Variants in ARFGEF1 observed in about 807,000 individuals in gnomAD.
The protein encoded by ARFGEF1 is ARF guanine nucleotide exchange factor 1.
ARFGEF1 carries 42 observed loss-of-function variants against 231.0 expected under a neutral mutation model. The ratio of observed to expected loss-of-function variants is 0.18; its 90% CI spans 0.14 to 0.24. The LOEUF is 0.24. Among genes scored for constraint, ARFGEF1 ranks in the 10% least tolerant of loss-of-function variants. ARFGEF1 has a pLI of 1.00. For missense variants in ARFGEF1, 1,345 were observed against 2,192.0 expected, an observed-to-expected ratio of 0.61 and a Z score of 7.72; for synonymous variants, 710 against 732.3, an observed-to-expected ratio of 0.97 and a Z score of 0.49.
rs574813309 is a variant in ARFGEF1, at chr8:67,310,968, G to GGGGGCCAGCTCCCC, written c.125-8503_125-8502insGGGGAGCTGGCCCC. 3.4e-5 allele frequency among the ~76,000 whole-genome samples: 5 copies of GGGGGCCAGCTCCCC among 145,466 alleles called. No individual in the cohort carries two copies. The South Asian group carries it at 1.1e-3, about 32-fold the overall frequency. On this transcript the variant is annotated intron_variant, in intron 1 of 38. Transcript: ENST00000262215. Reference sequence around the variant, plus strand: ...GCCACCCCGTCCAGGAGGGAGGTGGGGCCCGGGAGGGAGGTTGGGGGGTCA... The same window carrying GGGGGCCAGCTCCCC: ...GCCACCCCGTCCAGGAGGGAGGTGGGGGGGCCAGCTCCCCGCCCGGGAGGGAGGTTGGGGGGTCA...
chr8:67,212,415 G>C (rs1345556047), intron 33 of ARFGEF1, among the ~76,000 whole-genome samples: 1 of 152,128 alleles, frequency 6.6e-6, no homozygotes, highest in African/African-American at 2.4e-5. Flanking sequence ...GTGTAACCTT[G>C]GAAAAATGAT....
chr8:67,338,018 T>C (rs1587351641), intron 1 of ARFGEF1, among the ~76,000 whole-genome samples: 1 of 152,234 alleles, frequency 6.6e-6, no homozygotes, highest in South Asian at 2.1e-4. Context: ...CTTCCTCCAT[T>C]ATGTGAGGAA....
At chr8:67,319,789 T>C (rs1021970719) in intron 1 of ARFGEF1, among the ~76,000 whole-genome samples, 7 of 152,178 alleles carry the variant, frequency 4.6e-5, no homozygotes, top group African/African-American at 1.7e-4. Context: ...AAATTGTTTA[T>C]CTGGCAAAGA....
Position 67,216,674 on chromosome 8 carries a change from CA to C in ARFGEF1, c.4614-13del. On this transcript the variant is annotated splice_polypyrimidine_tract_variant and intron_variant, in intron 32 of 38. Coordinates refer to ENST00000262215, the MANE Select transcript of ARFGEF1 (RefSeq NM_006421.5). ...GCCAGGTCAACAGCCTTTAAGATAC[CA>C]AAACCACGTCAATCACTAGGGGGCT... 2 of 1,594,712 alleles carry C rather than the reference CA, an allele frequency of 1.3e-6. No homozygotes were observed. Among genetic ancestry groups the C allele is most frequent in the South Asian group, 1.1e-5 (1 of 87,434 alleles).
chr8:67,299,335 G>A lies in ARFGEF1; in HGVS notation c.333C>T (p.His111=). 1 of 1,605,370 alleles carries A rather than the reference G, an allele frequency of 6.2e-7. No homozygotes were observed. The highest frequency in any genetic ancestry group is 8.5e-7 in the Non-Finnish European group (1 of 1,177,926). The change falls in exon 4 of 39, where the codon CAC becomes CAT. Residue 111 remains histidine, a synonymous_variant. Transcript: ENST00000262215. ...DCLQKLIAYG[H]LTGNAPDSTT... ...TACTATCTGGAGCATTGCCAGTCAAGTGCCCATAAGCAATAAGTTTCTAAA... is the reference window on the plus strand; with the variant it reads ...TACTATCTGGAGCATTGCCAGTCAAATGCCCATAAGCAATAAGTTTCTAAA...
At chr8:67,225,405 G>T (rs567355236) in intron 28 of ARFGEF1, among the ~76,000 whole-genome samples, 1 of 152,218 alleles carries the variant, frequency 6.6e-6, no homozygotes, top group Non-Finnish European at 1.5e-5. Context: ...ATGAGTTGAC[G>T]TATCTAAAAA....
At chr8:67,200,655 G>C in intron 37 of ARFGEF1, 142 bp from the exon 38 acceptor site, 3 of 613,586 alleles carry the variant, frequency 4.9e-6, no homozygotes, top group Middle Eastern at 2.7e-4. Flanking sequence ...ATTAGCTGGA[G>C]TGTCAACATA....
At chr8:67,250,509 AG>A (rs1840248006) in intron 19 of ARFGEF1, among the ~76,000 whole-genome samples, 1 of 152,226 alleles carries the variant, frequency 6.6e-6, no homozygotes, top group Admixed American at 6.5e-5. Context: ...CTTGAAGAAG[AG>A]GTAGGAGTAA....
chr8:67,194,791 A>C (rs1207154472), downstream of ARFGEF1, among the ~76,000 whole-genome samples: 1 of 152,174 alleles, frequency 6.6e-6, no homozygotes, highest in East Asian at 1.9e-4. Flanking sequence ...AGTTGCGTAC[A>C]ATCAATCAGA....
At chr8:67,242,955 G>C (rs1170983273) in intron 19 of ARFGEF1, among the ~76,000 whole-genome samples, 2 of 152,174 alleles carry the variant, frequency 1.3e-5, no homozygotes, top group Admixed American at 6.5e-5. Flanking sequence ...AGGGAAGAGT[G>C]GGAAGCACTG....
At chr8:67,298,277 A>C (rs1017256397) in intron 4 of ARFGEF1, among the ~76,000 whole-genome samples, 1 of 152,218 alleles carries the variant, frequency 6.6e-6, no homozygotes, top group Non-Finnish European at 1.5e-5. Context: ...TTTTACTGCT[A>C]TAAAAATATA....
At chr8:67,333,361 ACT>A (rs1808194419) in intron 1 of ARFGEF1, among the ~76,000 whole-genome samples, 1 of 143,754 alleles carries the variant, frequency 7.0e-6, no homozygotes, top group African/African-American at 2.6e-5. Context: ...ACAGGGTTTC[ACT>A]CTGTCACCCA....
intron 1 of ARFGEF1, among the ~76,000 whole-genome samples, chr8:67,306,053 G>GT (rs1229591277): frequency 6.6e-6 from 1 of 152,202 alleles, no homozygotes. Context: ...GCATATGATT[G>GT]TTTTTTCTTA....
At chr8:67,238,216 C>CT in intron 22 of ARFGEF1, 127 bp downstream of exon 22, 2 of 1,001,684 alleles carry the variant, frequency 2.0e-6, no homozygotes, top group Non-Finnish European at 2.8e-6. Flanking sequence ...AGTCATCTTG[C>CT]TTTTTCTCAT....
chr8:67,267,132 G>T lies in ARFGEF1; in HGVS notation c.1771C>A (p.Gln591Lys). The change falls in exon 12 of 39, where the codon CAA becomes AAA. Residue 591 changes from glutamine (Q) to lysine (K), a missense_variant. Around this residue, in one of 14 missense-constraint regions of ARFGEF1, gnomAD observed 141 missense variants for 259.9 expected, o/e 0.54. Coordinates refer to ENST00000262215, the MANE Select transcript of ARFGEF1 (RefSeq NM_006421.5). ...RLVNDLSKIA[Q>K]GRGSQELGMS... ...CCAAGTTCTTGACTGCCCCTTCCTT[G>T]AGCAATTTTTGATAGATCATTTACT... 6.2e-7 allele frequency: 1 copy of T among 1,613,064 alleles called. No individual in the cohort carries two copies. The highest frequency in any genetic ancestry group is 1.1e-5 in the South Asian group (1 of 91,038).
At chr8:67,280,751 G>C (rs1438660276) in intron 7 of ARFGEF1, among the ~76,000 whole-genome samples, 2 of 152,188 alleles carry the variant, frequency 1.3e-5, no homozygotes, top group African/African-American at 4.8e-5. Flanking sequence ...AATGAGGTCT[G>C]CCTTTGGACC....
At chr8:67,320,482 G>C (rs1286068955) in intron 1 of ARFGEF1, among the ~76,000 whole-genome samples, 1 of 152,084 alleles carries the variant, frequency 6.6e-6, no homozygotes, top group Non-Finnish European at 1.5e-5. Flanking sequence ...CTTACCATAT[G>C]ACCCAGCAGT....
At chr8:67,258,415 C>A in intron 15 of ARFGEF1, 125 bp from the exon 16 acceptor site, 1 of 653,082 alleles carries the variant, frequency 1.5e-6, no homozygotes, top group Non-Finnish European at 2.5e-6. Flanking sequence ...AACCTCTGCC[C>A]CCAGGTTCAA....
At chr8:67,330,950 A>C (rs959594311) in intron 1 of ARFGEF1, among the ~76,000 whole-genome samples, 1 of 152,232 alleles carries the variant, frequency 6.6e-6, no homozygotes, top group African/African-American at 2.4e-5. Context: ...CTAATGTATA[A>C]GAAGAGAAGG....
Sources: gnomAD v4.1 joint callset for allele counts (sites outside exome capture counted in the v4.1 genomes callset) on GRCh38, gnomAD v4.1.1 for gene constraint, gnomAD v4.1.1 regional missense constraint, MANE v1.5 for transcripts, NCBI Gene and HGNC (gene_info 2026-07-23, HGNC 2026-07-21) for gene names.